The following ETV6 variants were observed in gnomAD, a reference collection of about 807,000 sequenced individuals.
The protein encoded by ETV6 is transcription factor ETV6.
In ETV6, 16 loss-of-function variants were observed where a neutral mutation model predicts 51.1. The observed-to-expected ratio is 0.31, with a 90% CI of 0.21 to 0.48. The LOEUF is 0.48. Ranked by LOEUF, ETV6 falls within the 20% of genes least tolerant of loss-of-function variation. The pLI, the probability that ETV6 is intolerant of heterozygous loss-of-function variation, is 0.99. For missense variants in ETV6, 458 were observed against 594.8 expected (o/e 0.77, Z 2.39); for synonymous variants, 240 against 224.1 (o/e 1.07, Z -0.64).
At chr12:11,778,163 A>G (rs1945359829) in intron 2 of ETV6, among the ~76,000 whole-genome samples, 2 of 152,174 alleles carry the variant, frequency 1.3e-5, no homozygotes, top group African/African-American at 4.8e-5. Context: ...CTCATCCCTA[A>G]AAAGGGGAAT....
intron 1 of ETV6, among the ~76,000 whole-genome samples, chr12:11,746,172 C>T (rs1046634609): frequency 2.2e-4 from 34 of 152,122 alleles, no homozygotes; most frequent in Non-Finnish European, 2.1e-4. Context: ...TGCAGAGCAA[C>T]GAAATATTCG....
chr12:11,825,285 C>T (rs1946136129), intron 2 of ETV6, among the ~76,000 whole-genome samples: 1 of 151,998 alleles, frequency 6.6e-6, no homozygotes, highest in South Asian at 2.1e-4. Context: ...TGAATCTTTA[C>T]AAAAGGTGAT....
At chr12:11,822,200 A>ATGGGTGAG (rs1254837263) in intron 2 of ETV6, among the ~76,000 whole-genome samples, 43 of 152,294 alleles carry the variant, frequency 2.8e-4, no homozygotes, top group African/African-American at 9.4e-4. Flanking sequence ...GGTTAGACGG[A>ATGGGTGAG]TGGGTGAGTG....
At chr12:11,796,277 A>G (rs780497130) in intron 2 of ETV6, among the ~76,000 whole-genome samples, 9 of 152,214 alleles carry the variant, frequency 5.9e-5, no homozygotes, top group Non-Finnish European at 8.8e-5. Flanking sequence ...CTTGCCGGAA[A>G]GGAAAAAAAC....
At chr12:11,885,689 C>T (rs1177478757) in intron 6 of ETV6, among the ~76,000 whole-genome samples, 5 of 152,086 alleles carry the variant, frequency 3.3e-5, no homozygotes, top group African/African-American at 1.2e-4. Flanking sequence ...TCCAGGACTT[C>T]GGACAAAGGG....
intron 1 of ETV6, among the ~76,000 whole-genome samples, chr12:11,666,739 C>T (rs1462495229): frequency 6.6e-6 from 1 of 152,220 alleles, no homozygotes; most frequent in East Asian, 1.9e-4. Flanking sequence ...CCCAACCAGA[C>T]CCCAGCAAGA....
At chr12:11,677,649 G>A (rs1347551326) in intron 1 of ETV6, among the ~76,000 whole-genome samples, 4 of 152,150 alleles carry the variant, frequency 2.6e-5, no homozygotes, top group Non-Finnish European at 5.9e-5. Context: ...AGAATTATCC[G>A]GGTGAAGAAG....
At chr12:11,721,390 A>T (rs1323805390) in intron 1 of ETV6, among the ~76,000 whole-genome samples, 1 of 152,246 alleles carries the variant, frequency 6.6e-6, no homozygotes, top group Admixed American at 6.5e-5. Flanking sequence ...AGCCATAAAA[A>T]GGAATGAAAT....
At chr12:11,750,879 C>G (rs1426567684) in intron 1 of ETV6, 1 of 471,300 alleles carries the variant, frequency 2.1e-6, no homozygotes, top group South Asian at 1.6e-5. Context: ...TAAAGTTTCT[C>G]AAAATACATG....
intron 2 of ETV6, chr12:11,825,862 G>T (rs747339875): frequency 5.2e-5 from 7 of 135,004 alleles, no homozygotes; most frequent in Non-Finnish European, 9.3e-5. Context: ...TTTAAAGTCA[G>T]AGCCTCATTC....
chr12:11,884,643 C>A, intron 6 of ETV6, 56 bp downstream of exon 6: 5 of 1,598,930 alleles, frequency 3.1e-6, no homozygotes, highest in Non-Finnish European at 4.3e-6. Context: ...AAGTCCTTAT[C>A]CCTGGATTGG....
At chr12:11,752,118 T>G (rs1866041562) in intron 1 of ETV6, among the ~76,000 whole-genome samples, 1 of 152,240 alleles carries the variant, frequency 6.6e-6, no homozygotes, top group Non-Finnish European at 1.5e-5. Context: ...AAGTTGTCTT[T>G]AAGCCATTCT....
intron 1 of ETV6, among the ~76,000 whole-genome samples, chr12:11,652,522 A>T (rs1229128423): frequency 1.3e-5 from 2 of 152,200 alleles, no homozygotes; most frequent in African/African-American, 4.8e-5. Flanking sequence ...AGAGGTTTTC[A>T]AGGATGAGCT....
At chr12:11,653,032 T>C (rs775374109) in intron 1 of ETV6, among the ~76,000 whole-genome samples, 175 of 151,770 alleles carry the variant, frequency 1.2e-3, no homozygotes, top group Middle Eastern at 3.4e-3. Context: ...AAAGCAGGAG[T>C]GCTCGAGCAC....
At chr12:11,664,707 G>C (rs1391989625) in intron 1 of ETV6, among the ~76,000 whole-genome samples, 1 of 152,180 alleles carries the variant, frequency 6.6e-6, no homozygotes, top group Non-Finnish European at 1.5e-5. Context: ...TGGGAGGGCA[G>C]GTGTGCCATC....
chr12:11,752,677 G>A lies in ETV6; in HGVS notation c.163+98G>A, dbSNP rs574510183. On this transcript the variant is annotated intron_variant, in intron 2 of 7. Coordinates refer to ENST00000396373, the MANE Select transcript of ETV6 (RefSeq NM_001987.5). ...GCCAGAGAGGGGCAAGCTCTGAGGTGGTTTTCACAGGACTTCGCCACGCTG... is the reference window on the plus strand; with the variant it reads ...GCCAGAGAGGGGCAAGCTCTGAGGTAGTTTTCACAGGACTTCGCCACGCTG... 248 of 1,428,226 alleles carry A rather than the reference G, an allele frequency of 1.7e-4. 2 individuals are homozygous for A. In the South Asian group the frequency reaches 3.4e-3, roughly 19 times the overall value. The allele number at this position is 1,428,226 out of a possible 1,614,324, so 88.5% of individuals were successfully genotyped here.
At chr12:11,834,394 A>T (rs1946285678) in intron 2 of ETV6, among the ~76,000 whole-genome samples, 1 of 152,180 alleles carries the variant, frequency 6.6e-6, no homozygotes, top group Non-Finnish European at 1.5e-5. Context: ...GAAAGTTTGG[A>T]TAAGGAGTGG....
intron 1 of ETV6, among the ~76,000 whole-genome samples, chr12:11,744,147 A>G (rs1478228114): frequency 6.6e-6 from 1 of 152,192 alleles, no homozygotes; most frequent in African/African-American, 2.4e-5. Flanking sequence ...CCTGGAAGGT[A>G]TCTCTCATTT....
At chr12:11,757,543 GA>G (rs745332565) in intron 2 of ETV6, among the ~76,000 whole-genome samples, 2 of 152,328 alleles carry the variant, frequency 1.3e-5, no homozygotes, top group East Asian at 3.9e-4. Flanking sequence ...AGCAGTCCTT[GA>G]AGCAGGTGCT....
Sources: allele counts gnomAD v4.1 joint callset (sites outside exome capture counted in the v4.1 genomes callset), GRCh38; gene constraint gnomAD v4.1.1; transcripts MANE v1.5; gene names NCBI Gene and HGNC (gene_info 2026-07-23, HGNC 2026-07-21).